The following KIF6 variants were observed in gnomAD, a reference collection of about 807,000 sequenced individuals.
KIF6 encodes the protein kinesin family member 6.
A neutral mutation model predicts 112.7 loss-of-function variants in KIF6; 106 were observed. That is an observed-to-expected ratio of 0.94 (90% confidence interval 0.80 to 1.11). The LOEUF is 1.11. KIF6 is among the 50% of genes least tolerant of loss of function. The pLI is 0.00. For synonymous variants in KIF6, 339 were observed against 339.9 expected (o/e 1.00, Z 0.03); for missense variants, 929 against 964.0 (o/e 0.96, Z 0.48).
At chr6:39,469,949 C>A (rs935785515) in intron 13 of KIF6, among the ~76,000 whole-genome samples, 1 of 152,166 alleles carries the variant, frequency 6.6e-6, no homozygotes, top group Non-Finnish European at 1.5e-5. Flanking sequence ...TATATGCCAA[C>A]TAGACCTAAC....
chr6:39,393,362 T>C (rs536191425), intron 15 of KIF6, among the ~76,000 whole-genome samples: 44 of 152,332 alleles, frequency 2.9e-4, no homozygotes, highest in Admixed American at 2.7e-3. Flanking sequence ...TGAATGTCAG[T>C]GTGCCTCAGT....
chr6:39,523,808 A>T (rs1330072773), intron 13 of KIF6, among the ~76,000 whole-genome samples: 1 of 151,428 alleles, frequency 6.6e-6, no homozygotes, highest in African/African-American at 2.4e-5. Context: ...CACCCTGTAC[A>T]TCTGTGCACC....
intron 22 of KIF6, among the ~76,000 whole-genome samples, chr6:39,341,320 GAGCTTGTGCTTCTCC>G (rs543194778): frequency 0.017 from 2,622 of 152,120 alleles, 40 homozygotes; most frequent in Middle Eastern, 0.027. Context: ...TCTCCCCTTG[GAGCTTGTGCTTCTCC>G]AGCTTGTGCT....
In KIF6 at chr6:39,649,180, AAAAAT is replaced by A. The variant is rs374861424; in HGVS notation, c.252-9428_252-9424del. 2.7e-3 allele frequency among the ~76,000 whole-genome samples: 415 copies of A among 152,246 alleles called. 2 individuals are homozygous for A. The highest frequency in any genetic ancestry group is 4.7e-3 in the Non-Finnish European group (321 of 68,016). ...AATAAATAAAATAAGTCATAAAAGTAAAAATAAAATAAAAGCATGTTCTGGCAACA... is the reference window on the plus strand; with the variant it reads ...AATAAATAAAATAAGTCATAAAAGTAAAAATAAAAGCATGTTCTGGCAACA... On this transcript the variant is annotated intron_variant, in intron 3 of 22. Coordinates refer to ENST00000287152, the MANE Select transcript of KIF6 (RefSeq NM_145027.6).
intron 10 of KIF6, among the ~76,000 whole-genome samples, chr6:39,574,804 C>G (rs1467111371): frequency 6.6e-6 from 1 of 152,166 alleles, no homozygotes; most frequent in African/African-American, 2.4e-5. Context: ...GAGCTATTCT[C>G]TATGACACTT....
chr6:39,330,317 T>C lies in KIF6; in HGVS notation c.*6215A>G, dbSNP rs948312070. The C allele has an allele frequency of 2.6e-5, 4 of 152,220 alleles. No individual in the cohort carries two copies. Among genetic ancestry groups the C allele is most frequent in the African/African-American group, 9.7e-5 (4 of 41,426 alleles). The allele number at this position is 152,220 out of a possible 1,614,324, so 9.4% of individuals were successfully genotyped here. The stretch of plus-strand genomic sequence containing the variant: ...TGAGACCCACATGAGGCCTGGACTA[T>C]GTTAGGGGTGGCCTGCATGGATGAC... On this transcript the variant is annotated 3_prime_UTR_variant, in exon 23 of 23. Transcript: ENST00000287152.
chr6:39,346,132 C>CCCCT (rs1554196915), intron 20 of KIF6, among the ~76,000 whole-genome samples: 4 of 26,914 alleles, frequency 1.5e-4, no homozygotes, highest in African/African-American at 5.9e-4. Context: ...CCTCCCTCTC[C>CCCCT]CTCTCTCTCT....
chr6:39,718,555 G>T (rs544067835), intron 2 of KIF6: 24 of 147,226 alleles, frequency 1.6e-4, no homozygotes, highest in African/African-American at 6.0e-4. Flanking sequence ...GACCAGCCTG[G>T]GCAACATGGT....
intron 15 of KIF6, among the ~76,000 whole-genome samples, chr6:39,391,875 T>G (rs1438777511): frequency 6.6e-6 from 1 of 152,162 alleles, no homozygotes; most frequent in Non-Finnish European, 1.5e-5. Context: ...GGGCAATGCC[T>G]CTCTGGTATG....
chr6:39,540,140 A>T lies in KIF6; in HGVS notation c.1508T>A (p.Phe503Tyr). 1 of 1,614,118 alleles carries T rather than the reference A, an allele frequency of 6.2e-7. No homozygotes were observed. The highest frequency in any genetic ancestry group is 8.5e-7 in the Non-Finnish European group (1 of 1,180,012). Residue 503 changes from phenylalanine (F) to tyrosine (Y), a missense_variant, in exon 13 of 23, where the codon TTC (phenylalanine) becomes TAC (tyrosine). By Grantham distance (22) the Phe-to-Tyr change is conservative (BLOSUM62 3). Coordinates refer to ENST00000287152, the MANE Select transcript of KIF6 (RefSeq NM_145027.6). ...GAAGGGTGGGCTCTGGGACTGTCTG[A>T]ATTCACGTCTATCCATGCCAGCCAA... is the stretch of plus-strand genomic sequence containing the variant. ...LHLAGMDRREFRQSQSPPFRL... is the reference protein window; with the variant it reads ...LHLAGMDRREYRQSQSPPFRL...
At chr6:39,435,689 G>C (rs1362442288) in intron 13 of KIF6, among the ~76,000 whole-genome samples, 1 of 152,146 alleles carries the variant, frequency 6.6e-6, no homozygotes, top group African/African-American at 2.4e-5. Flanking sequence ...CATCCAAGAT[G>C]CTGCAAAAGA....
intron 2 of KIF6, 88 bp from the exon 3 acceptor site, chr6:39,714,854 A>C (rs1789740939): frequency 1.1e-6 from 1 of 873,628 alleles, no homozygotes; most frequent in Admixed American, 2.1e-5. Context: ...AAGCTCTATT[A>C]ATTACCCCAT....
chr6:39,360,402 T>C lies in KIF6; in HGVS notation c.2075A>G (p.Asn692Ser). ...ATGTTCCCCAGGCCATACCTGCAGGTTGGTGGCCTCCTCTGCCCACCAGAC... is the reference window on the plus strand; with the variant it reads ...ATGTTCCCCAGGCCATACCTGCAGGCTGGTGGCCTCCTCTGCCCACCAGAC... ...FEVWWAEEAT[N>S]LQVNSPAVNS... is the part of the protein sequence containing the mutation. The change falls in exon 18 of 23, where the codon AAC becomes AGC. Residue 692 changes from asparagine to serine, a missense_variant. Asn to Ser is a conservative substitution (Grantham distance 46). Transcript: ENST00000287152. 1.9e-6 allele frequency: 3 copies of C among 1,614,116 alleles called. No homozygotes were observed. The highest frequency in any genetic ancestry group is 2.5e-6 in the Non-Finnish European group (3 of 1,179,992).
At chr6:39,449,720 G>A (rs912826145) in intron 13 of KIF6, among the ~76,000 whole-genome samples, 1 of 152,186 alleles carries the variant, frequency 6.6e-6, no homozygotes, top group Admixed American at 6.5e-5. Context: ...GGAAGGGAGA[G>A]AGCAGTCGCA....
chr6:39,394,180 C>T (rs1455306121), intron 15 of KIF6, among the ~76,000 whole-genome samples: 3 of 151,806 alleles, frequency 2.0e-5, no homozygotes, highest in Non-Finnish European at 4.4e-5. Flanking sequence ...AGGATAAAGC[C>T]GAGCAAGATC....
intron 13 of KIF6, among the ~76,000 whole-genome samples, chr6:39,467,435 A>C (rs1001511991): frequency 4.6e-5 from 7 of 152,290 alleles, no homozygotes; most frequent in African/African-American, 1.7e-4. Flanking sequence ...CAATTAGTGA[A>C]GGCTAATATT....
At chr6:39,658,998 T>G (rs1333122903) in intron 3 of KIF6, among the ~76,000 whole-genome samples, 2 of 152,212 alleles carry the variant, frequency 1.3e-5, no homozygotes, top group Admixed American at 1.3e-4. Context: ...GAAATTGAAC[T>G]ATATTTACAG....
chr6:39,458,626 T>C (rs991784959), intron 13 of KIF6, among the ~76,000 whole-genome samples: 4 of 140,906 alleles, frequency 2.8e-5, no homozygotes, highest in African/African-American at 1.1e-4. Flanking sequence ...GAAAACCCCA[T>C]CGTCTCAGCC....
At chr6:39,626,655 G>T (rs1214107711) in intron 5 of KIF6, among the ~76,000 whole-genome samples, 3 of 152,044 alleles carry the variant, frequency 2.0e-5, no homozygotes, top group Admixed American at 6.6e-5. Context: ...AATAAATACT[G>T]GTTCACTATC....
Sources: allele counts gnomAD v4.1 joint callset (sites outside exome capture counted in the v4.1 genomes callset), GRCh38; gene constraint gnomAD v4.1.1; transcripts MANE v1.5; gene names NCBI Gene and HGNC (gene_info 2026-07-23, HGNC 2026-07-21).